TRPC5: variants seen among roughly 807,000 people sequenced by gnomAD.
TRPC5 encodes short transient receptor potential channel 5.
TRPC5 carries 9 observed loss-of-function variants against 56.5 expected under a neutral mutation model. The observed-to-expected ratio is 0.16, with a 90% confidence interval of 0.10 to 0.28. TRPC5 has a LOEUF of 0.28. TRPC5 is among the 10% of genes least tolerant of loss of function. The probability of loss-of-function intolerance (pLI) is 1.00; values close to 1 mark genes in which losing one functional copy is unlikely to be tolerated. For missense variants in TRPC5, 469 were observed against 748.9 expected (o/e 0.63, Z 4.36); for synonymous variants, 282 against 278.5 (o/e 1.01, Z -0.13).
chrX:111,876,739 T>C (rs1287944005), intron 3 of TRPC5, among the ~76,000 whole-genome samples: 2 of 111,928 alleles, frequency 1.8e-5, no homozygotes, highest in Non-Finnish European at 3.8e-5. Flanking sequence ...TTTCCTTAAC[T>C]GTGGTTATCA....
intron 3 of TRPC5, among the ~76,000 whole-genome samples, chrX:111,906,453 T>C (rs1213185933): frequency 8.9e-6 from 1 of 112,001 alleles, no homozygotes; most frequent in African/African-American, 3.2e-5. Context: ...CTGGAAATAC[T>C]GGTCATTCTA....
At chrX:111,957,501 C>T (rs1266259502) in intron 1 of TRPC5, among the ~76,000 whole-genome samples, 2 of 111,916 alleles carry the variant, frequency 1.8e-5, no homozygotes, top group Admixed American at 9.6e-5. Flanking sequence ...TTATCTCCCA[C>T]CTTACAGATA....
chrX:111,983,990 T>C (rs930714604), intron 1 of TRPC5, among the ~76,000 whole-genome samples: 2 of 111,549 alleles, frequency 1.8e-5, no homozygotes, highest in African/African-American at 6.5e-5. Flanking sequence ...TATATCACTT[T>C]TATTTGATGA....
At chrX:111,814,152 A>G (rs1214421031) in intron 7 of TRPC5, among the ~76,000 whole-genome samples, 1 of 112,034 alleles carries the variant, frequency 8.9e-6, no homozygotes, top group Non-Finnish European at 1.9e-5. Context: ...ACTTGTTTAA[A>G]AAATATACAG....
chrX:112,054,268 T>C (rs756441389), intron 1 of TRPC5, among the ~76,000 whole-genome samples: 1 of 110,257 alleles, frequency 9.1e-6, no homozygotes, highest in South Asian at 3.9e-4. Flanking sequence ...GTGATGTGGA[T>C]TGGTAGTGGA....
chrX:112,075,135 T>C (rs1226610392), intron 1 of TRPC5, among the ~76,000 whole-genome samples: 1 of 112,687 alleles, frequency 8.9e-6, no homozygotes, highest in Non-Finnish European at 1.9e-5. Context: ...TTTCTGGTGA[T>C]GACCACTATG....
intron 7 of TRPC5, among the ~76,000 whole-genome samples, chrX:111,811,929 A>G (rs753602981): frequency 3.9e-4 from 44 of 111,464 alleles, no homozygotes; most frequent in South Asian, 3.8e-4. Context: ...TTTTGCTACC[A>G]CAGCTCTTGA....
chrX:112,036,498 A>T lies in TRPC5; in HGVS notation c.-22+45381T>A, dbSNP rs766656759. 7.1e-5 allele frequency among the ~76,000 whole-genome samples: 8 copies of T among 111,959 alleles called. No individual in the cohort carries two copies. In the South Asian group the frequency reaches 3.0e-3, roughly 42 times the overall value. ...ACCAGGGTCCCACACAAGAAATGTG[A>T]TTTGCCACCTTCAAGACCACCGCCA... On this transcript the variant is annotated intron_variant, in intron 1 of 10. Transcript: ENST00000262839.
At chrX:112,044,737 C>A (rs1004274289) in intron 1 of TRPC5, among the ~76,000 whole-genome samples, 1 of 112,039 alleles carries the variant, frequency 8.9e-6, no homozygotes, top group East Asian at 2.8e-4. Flanking sequence ...TTTCTCACCC[C>A]TAAGCCCCTC....
At position 111,884,017 on chromosome X, in the gene TRPC5, G is replaced by A. The variant is rs770765131; in HGVS notation, c.900+28274C>T. Among the ~76,000 whole-genome samples the A allele has an allele frequency of 5.3e-5, 6 of 112,558 alleles. No individual in the cohort carries two copies. In the South Asian group the frequency reaches 2.2e-3, roughly 41 times the overall value. On this transcript the variant is annotated intron_variant, in intron 3 of 10. Coordinates refer to ENST00000262839, the MANE Select transcript of TRPC5 (RefSeq NM_012471.3). The stretch of plus-strand genomic sequence containing the variant: ...TAACACTAGATTAGACTTTGTTAGA[G>A]CCCAGTTAAGGCCTAGTCAGGGCTT...
chrX:111,902,325 A>G, intron 3 of TRPC5: 3 of 400,157 alleles, frequency 7.5e-6, no homozygotes, highest in Non-Finnish European at 8.1e-6. Context: ...CCATATAACA[A>G]GTGAGATTTG....
At chrX:111,899,305 T>C (rs549569417) in intron 3 of TRPC5, among the ~76,000 whole-genome samples, 1 of 111,548 alleles carries the variant, frequency 9.0e-6, no homozygotes, top group African/African-American at 3.2e-5. Context: ...AAATATGGAA[T>C]GTTCTACCTC....
chrX:112,005,367 C>A (rs1194553494), intron 1 of TRPC5, among the ~76,000 whole-genome samples: 1 of 107,203 alleles, frequency 9.3e-6, no homozygotes, highest in Non-Finnish European at 1.9e-5. Context: ...AGGCCTAATA[C>A]CTGGGTGACG....
chrX:111,872,638 G>C (rs759736813), intron 3 of TRPC5, among the ~76,000 whole-genome samples: 26 of 111,595 alleles, frequency 2.3e-4, no homozygotes, highest in Non-Finnish European at 4.7e-4. Flanking sequence ...TTTCAAAGCT[G>C]AGATGGAAGA....
rs1365718515 is a variant in TRPC5, at chrX:111,941,503, C to T, written c.378+10540G>A. The stretch of plus-strand genomic sequence containing the variant: ...TGTGGCTTTGCTGATAATGATGCTG[C>T]TGGTTAGGTCAGGGATGTGCAAAGT... On this transcript the variant is annotated intron_variant, in intron 2 of 10. Transcript: ENST00000262839. Among the ~76,000 whole-genome samples the T allele has an allele frequency of 2.7e-5, 3 of 112,109 alleles. 1 individual carries two copies. Among genetic ancestry groups the T allele is most frequent in the Non-Finnish European group, 5.6e-5 (3 of 53,246 alleles).
rs1439088089 is a variant in TRPC5 at position 111,774,899 on chromosome X, T to G, written c.*1414A>C. The stretch of plus-strand genomic sequence containing the variant: ...TCTAGGACTCAGACCTAGAGTTGTT[T>G]CAGGTCATATGTTAGAGTCTAAACT... On this transcript the variant is annotated 3_prime_UTR_variant, in exon 11 of 11. Transcript: ENST00000262839. 9.0e-6 allele frequency: 1 copy of G among 110,869 alleles called. No homozygotes were observed. Among genetic ancestry groups the G allele is most frequent in the Non-Finnish European group, 1.9e-5 (1 of 52,894 alleles). The allele number at this position is 110,869 out of a possible 1,213,427, so 9.1% of individuals were successfully genotyped here.
At chrX:111,971,277 A>G (rs1927777803) in intron 1 of TRPC5, among the ~76,000 whole-genome samples, 1 of 111,742 alleles carries the variant, frequency 8.9e-6, no homozygotes, top group Non-Finnish European at 1.9e-5. Flanking sequence ...TCAGTTAGCT[A>G]TTTGTTTATA....
intron 1 of TRPC5, among the ~76,000 whole-genome samples, chrX:112,041,735 G>C (rs1929897636): frequency 1.8e-5 from 2 of 112,003 alleles, no homozygotes; most frequent in Non-Finnish European, 3.8e-5. Context: ...CTGGTAAAGA[G>C]GATTTAGGAG....
At chrX:111,944,923 G>A (rs1926895300) in intron 2 of TRPC5, among the ~76,000 whole-genome samples, 1 of 110,961 alleles carries the variant, frequency 9.0e-6, no homozygotes, top group African/African-American at 3.3e-5. Context: ...AGACATTTTT[G>A]TTGTTTTAAG....
Sources: gnomAD v4.1 joint callset for allele counts (sites outside exome capture counted in the v4.1 genomes callset) on GRCh38, gnomAD v4.1.1 for gene constraint, MANE v1.5 for transcripts, NCBI Gene and HGNC (gene_info 2026-07-23, HGNC 2026-07-21) for gene names.